The following CFHR3 variants were observed in gnomAD, a reference collection of about 807,000 sequenced individuals.
CFHR3 encodes complement factor H-related protein 3.
A neutral mutation model predicts 36.0 loss-of-function variants in CFHR3; 22 were observed. The ratio of observed to expected loss-of-function variants is 0.61; its 90% CI spans 0.44 to 0.87. The LOEUF (loss-of-function observed/expected upper bound fraction) is 0.87. CFHR3 is among the 40% of genes least tolerant of loss of function. The pLI, the probability that CFHR3 is intolerant of heterozygous loss-of-function variation, is 0.00. For synonymous variants in CFHR3, 97 were observed against 137.4 expected (o/e 0.71, Z 2.06); for missense variants, 276 against 401.3 (o/e 0.69, Z 2.67).
chr1:196,788,601 C>A lies in CFHR3; in HGVS notation c.613+203C>A, dbSNP rs1327504840. 1.9e-5 allele frequency: 23 copies of A among 1,240,186 alleles called. 3 individuals are homozygous for A. The highest frequency in any genetic ancestry group is 2.4e-5 in the Non-Finnish European group (22 of 911,926). The allele number at this position is 1,240,186 out of a possible 1,614,324, so 76.8% of individuals were successfully genotyped here. A position where few individuals can be genotyped will look rare whatever the true frequency, so the allele number is the denominator to read the frequency against. ...ACTTGGGAAGATGATCATTTCATCT[C>A]TTACAACTCAATCTGCCTTTACATA... On this transcript the variant is annotated intron_variant, in intron 4 of 5. Transcript: ENST00000367425.
intron 4 of CFHR3, chr1:196,789,541 A>C: frequency 1.0e-6 from 1 of 975,112 alleles, no homozygotes; most frequent in Non-Finnish European, 1.3e-6. Context: ...CAATTAATAT[A>C]ATTTTTATCT....
chr1:196,780,793 CT>C (rs1219929047), intron 3 of CFHR3, among the ~76,000 whole-genome samples: 2 of 132,148 alleles, frequency 1.5e-5, no homozygotes, highest in South Asian at 2.7e-4. Flanking sequence ...TTTTTTGGTT[CT>C]TTTTTTATAT....
chr1:196,778,655 A>G (rs547857334), intron 1 of CFHR3, among the ~76,000 whole-genome samples: 1 of 136,784 alleles, frequency 7.3e-6, no homozygotes, highest in East Asian at 2.0e-4. Context: ...AAAATGCCAC[A>G]AAACTCAAGA....
Position 196,781,733 on chromosome 1 carries a change from T to G in CFHR3, c.430+1760T>G, listed in dbSNP as rs1184722902. The stretch of plus-strand genomic sequence containing the variant: ...TGTCAGATGAGTAGGTTGCAAAAAT[T>G]TTCTCCCATTTTGTAGGTTGCCTGT... On this transcript the variant is annotated intron_variant, in intron 3 of 5. Transcript: ENST00000367425. Among the ~76,000 whole-genome samples, 3 of 134,430 alleles carry G rather than the reference T, an allele frequency of 2.2e-5. 1 individual carries two copies. 88.2% of individuals were successfully genotyped at this position (134,430 alleles called of 152,430 possible). A position where few individuals can be genotyped will look rare whatever the true frequency, so the allele number is the denominator to read the frequency against.
At chr1:196,783,340 C>T (rs1364668828) in intron 3 of CFHR3, among the ~76,000 whole-genome samples, 3 of 135,020 alleles carry the variant, frequency 2.2e-5, no homozygotes, top group Admixed American at 7.2e-5. Flanking sequence ...GGAGGATTCC[C>T]TCTTTTTCTA....
rs574549048 is a variant in CFHR3 at position 196,775,894 on chromosome 1, G to A, written c.58+950G>A. ...ATCTTTTCCCTCAACCACTCTTCGC[G>A]AAGCTATGCCACTTTATTTGATTCT... On this transcript the variant is annotated intron_variant, in intron 1 of 5. Transcript: ENST00000367425. 6.6e-5 allele frequency among the ~76,000 whole-genome samples: 9 copies of A among 136,616 alleles called. 1 individual carries two copies. In the Middle Eastern group the frequency reaches 0.016, roughly 235 times the overall value. 89.6% of individuals were successfully genotyped at this position (136,616 alleles called of 152,430 possible). A position where few individuals can be genotyped will look rare whatever the true frequency, so the allele number is the denominator to read the frequency against.
chr1:196,778,117 A>G (rs1653806123), intron 1 of CFHR3, among the ~76,000 whole-genome samples: 2 of 135,812 alleles, frequency 1.5e-5, no homozygotes, highest in African/African-American at 6.2e-5. Flanking sequence ...TACACAGTGC[A>G]GGGAGATTTA....
Position 196,788,040 on chromosome 1 carries a change from G to A in CFHR3, c.431-176G>A, listed in dbSNP as rs572534647. 1.5e-4 allele frequency among the ~76,000 whole-genome samples: 20 copies of A among 136,932 alleles called. 3 individuals are homozygous for A. Among genetic ancestry groups the A allele is most frequent in the Non-Finnish European group, 2.3e-4 (15 of 64,554 alleles). 89.8% of individuals were successfully genotyped at this position (136,932 alleles called of 152,430 possible). A position where few individuals can be genotyped will look rare whatever the true frequency, so the allele number is the denominator to read the frequency against. On this transcript the variant is annotated intron_variant, in intron 3 of 5. Coordinates refer to ENST00000367425, the MANE Select transcript of CFHR3 (RefSeq NM_021023.6). ...TTCCCTGTGTTCAACATTTCCTTCA[G>A]AAATTCGTGGTTTCCTTTAAGAACA...
rs1266977303 is a variant in CFHR3, at chr1:196,794,746, T to C, written c.*1233T>C. On this transcript the variant is annotated 3_prime_UTR_variant, in exon 6 of 6. Coordinates refer to ENST00000367425, the MANE Select transcript of CFHR3 (RefSeq NM_021023.6). ...AAATTGAAATCTCTATTCACTTTAA[T>C]AGATTTTTACCCCCAGTTAGCATAT... is the stretch of plus-strand genomic sequence containing the variant. 3.5e-6 allele frequency: 1 copy of C among 286,890 alleles called. No individual in the cohort carries two copies. The highest frequency in any genetic ancestry group is 9.3e-5 in the East Asian group (1 of 10,704). 17.8% of individuals were successfully genotyped at this position (286,890 alleles called of 1,614,324 possible).
In CFHR3 at chr1:196,774,908, A is replaced by T; in HGVS notation, c.22A>T (p.Ile8Phe). MLLLINV[I>F]LTLWVSCANG... ...TAACATGTTGTTACTAATCAATGTC[A>T]TTCTGACCTTGTGGGTTTCCTGTGC... The change falls in exon 1 of 6, where the codon ATT (isoleucine) becomes TTT (phenylalanine). Residue 8 changes from isoleucine to phenylalanine, a missense_variant. Around this residue, in one of 3 missense-constraint regions of CFHR3, gnomAD observed 178 missense variants for 247.2 expected, o/e 0.72. Coordinates refer to ENST00000367425, the MANE Select transcript of CFHR3 (RefSeq NM_021023.6). 1 of 1,529,858 alleles carries T rather than the reference A, an allele frequency of 6.5e-7. No individual in the cohort carries two copies. Among genetic ancestry groups the T allele is most frequent in the Non-Finnish European group, 8.8e-7 (1 of 1,130,644 alleles). The allele number at this position is 1,529,858 out of a possible 1,614,324, so 94.8% of individuals were successfully genotyped here.
chr1:196,779,079 G>A (rs1653840971), intron 1 of CFHR3, 83 bp from the exon 2 acceptor site: 3 of 1,070,198 alleles, frequency 2.8e-6, no homozygotes, highest in Non-Finnish European at 4.0e-6. Context: ...ATGTTTGAGA[G>A]AAGGTGATAT....
chr1:196,786,407 G>T (rs61405679), intron 3 of CFHR3, among the ~76,000 whole-genome samples: 2,293 of 135,628 alleles, frequency 0.017, 586 homozygotes, highest in African/African-American at 0.068. Flanking sequence ...GCCCCCAGAG[G>T]TGGAGCCTAC....
rs1654072209 is a variant in CFHR3, at chr1:196,783,817, G to T, written c.430+3844G>T. On this transcript the variant is annotated intron_variant, in intron 3 of 5. Coordinates refer to ENST00000367425, the MANE Select transcript of CFHR3 (RefSeq NM_021023.6). ...CCTCTATTTCCTTCAGTTCTCCTCTGATTTTAGTTATTTCTTGCCTTCTGC... is the reference window on the plus strand; with the variant it reads ...CCTCTATTTCCTTCAGTTCTCCTCTTATTTTAGTTATTTCTTGCCTTCTGC... Among the ~76,000 whole-genome samples, 3 of 135,784 alleles carry T rather than the reference G, an allele frequency of 2.2e-5. 1 individual carries two copies. The South Asian group carries it at 7.7e-4, about 35-fold the overall frequency. The allele number at this position is 135,784 out of a possible 152,430, so 89.1% of individuals were successfully genotyped here. A position where few individuals can be genotyped will look rare whatever the true frequency, so the allele number is the denominator to read the frequency against.
chr1:196,785,068 A>G (rs1654138545), intron 3 of CFHR3, among the ~76,000 whole-genome samples: 1 of 135,496 alleles, frequency 7.4e-6, no homozygotes, highest in Non-Finnish European at 1.6e-5. Flanking sequence ...TATGAAGCTT[A>G]GTTTGGCTGG....
In CFHR3 at chr1:196,790,622, G is replaced by A. The variant is rs772789503; in HGVS notation, c.796+395G>A. On this transcript the variant is annotated intron_variant, in intron 5 of 5. Transcript: ENST00000367425. ...GCCTGTAATCCCAGCTACTCAGGAGGGTGAGGCAGGAGAATCATTTGAACC... is the reference window on the plus strand; with the variant it reads ...GCCTGTAATCCCAGCTACTCAGGAGAGTGAGGCAGGAGAATCATTTGAACC... Among the ~76,000 whole-genome samples the A allele has an allele frequency of 3.7e-5, 5 of 135,514 alleles. 2 individuals carry two copies. The highest frequency in any genetic ancestry group is 1.5e-4 in the African/African-American group (5 of 32,270). 88.9% of individuals were successfully genotyped at this position (135,514 alleles called of 152,430 possible). A position where few individuals can be genotyped will look rare whatever the true frequency, so the allele number is the denominator to read the frequency against.
In CFHR3 at chr1:196,794,662, G is replaced by A. The variant is rs1654529173; in HGVS notation, c.*1149G>A. On this transcript the variant is annotated 3_prime_UTR_variant, in exon 6 of 6. Transcript: ENST00000367425. ...TGTTAATTGCCTTCACTCTCTTTCT[G>A]TTCTGTACTTTTCTTTGTATATAAG... 1 of 364,248 alleles carries A rather than the reference G, an allele frequency of 2.7e-6. No homozygotes were observed. The highest frequency in any genetic ancestry group is 2.9e-5 in the African/African-American group (1 of 35,058). The allele number at this position is 364,248 out of a possible 1,614,324, so 22.6% of individuals were successfully genotyped here. A position where few individuals can be genotyped will look rare whatever the true frequency, so the allele number is the denominator to read the frequency against.
At position 196,776,352 on chromosome 1, in the gene CFHR3, G is replaced by C. The variant is rs1653718776; in HGVS notation, c.58+1408G>C. 1.5e-5 allele frequency among the ~76,000 whole-genome samples: 2 copies of C among 137,434 alleles called. 1 individual carries two copies. The highest frequency in any genetic ancestry group is 1.4e-4 in the Admixed American group (2 of 14,252). 90.2% of individuals were successfully genotyped at this position (137,434 alleles called of 152,430 possible). On this transcript the variant is annotated intron_variant, in intron 1 of 5. Coordinates refer to ENST00000367425, the MANE Select transcript of CFHR3 (RefSeq NM_021023.6). ...AAAGGAGAAAGTAACTCATTTAGTG[G>C]AATAACATCTTGGGTAGAGAGAAAC...
At chr1:196,777,231 G>C (rs1338888283) in intron 1 of CFHR3, among the ~76,000 whole-genome samples, 1 of 136,694 alleles carries the variant, frequency 7.3e-6, no homozygotes, top group African/African-American at 3.1e-5. Flanking sequence ...CAACTCATAA[G>C]TTATTTACAC....
At chr1:196,780,121 G>A in intron 3 of CFHR3, 148 bp downstream of exon 3, 2 of 1,096,558 alleles carry the variant, frequency 1.8e-6, no homozygotes, top group East Asian at 2.6e-5. Context: ...TTTTTTAATT[G>A]TGTGAATATA....
Sources: gnomAD v4.1 joint callset for allele counts (sites outside exome capture counted in the v4.1 genomes callset) on GRCh38, gnomAD v4.1.1 for gene constraint, gnomAD v4.1.1 regional missense constraint, MANE v1.5 for transcripts, NCBI Gene and HGNC (gene_info 2026-07-23, HGNC 2026-07-21) for gene names.